TMT1B: variants seen among roughly 807,000 people sequenced by gnomAD.
The protein encoded by TMT1B is thiol methyltransferase 1B, also known as thiol S-methyltransferase TMT1B.
chr12:55,684,227 A>C, the TMT1B span: 2 of 610,956 alleles, frequency 3.3e-6, no homozygotes, highest in Non-Finnish European at 5.7e-6. Flanking sequence ...TCTAACTTCA[A>C]TCCCGCCTTC....
At chr12:55,682,112 G>A in the TMT1B span, 11 of 1,614,172 alleles carry the variant, frequency 6.8e-6, no homozygotes, top group East Asian at 2.5e-4. Context: ...CCTCCAATAT[G>A]AGCGGTTTGT....
At chr12:55,683,650 G>A in the TMT1B span, among the ~76,000 whole-genome samples, 38 of 152,134 alleles carry the variant, frequency 2.5e-4, no homozygotes, top group Non-Finnish European at 4.0e-4. Flanking sequence ...CTTTGAAGGC[G>A]GTAGCAGGGG....
At chr12:55,683,837 C>G in the TMT1B span, 2 of 1,613,924 alleles carry the variant, frequency 1.2e-6, no homozygotes, top group Non-Finnish European at 1.7e-6. Flanking sequence ...TTTCTGGGAG[C>G]ATGTGGCAGA....
the TMT1B span, chr12:55,681,992 G>T: frequency 3.2e-5 from 52 of 1,614,256 alleles, no homozygotes; most frequent in African/African-American, 5.3e-4. Context: ...GCTGGGCTGC[G>T]GAACCGGAGC....
the TMT1B span, chr12:55,683,838 A>T: frequency 6.2e-7 from 1 of 1,614,100 alleles, no homozygotes; most frequent in South Asian, 1.1e-5. Flanking sequence ...TTCTGGGAGC[A>T]TGTGGCAGAA....
chr12:55,682,147 A>G, the TMT1B span: 29 of 1,613,912 alleles, frequency 1.8e-5, no homozygotes, highest in Non-Finnish European at 2.5e-5. Context: ...AGGACATGAG[A>G]CAGCTGGCTG....
the TMT1B span, chr12:55,681,811 G>A: frequency 6.4e-7 from 1 of 1,555,316 alleles, no homozygotes; most frequent in Non-Finnish European, 8.7e-7. Flanking sequence ...CCCTGCCCCT[G>A]CACCTCATGG....
chr12:55,681,736 A>G, the TMT1B span: 4 of 1,509,856 alleles, frequency 2.6e-6, no homozygotes, highest in African/African-American at 5.6e-5. Context: ...GCGGAAGCAC[A>G]GCTCAGAGCT....
chr12:55,683,067 C>T, the TMT1B span, among the ~76,000 whole-genome samples: 128 of 152,222 alleles, frequency 8.4e-4, no homozygotes, highest in African/African-American at 2.9e-3. Flanking sequence ...TATAGTGAGG[C>T]GAGGAGCTTG....
the TMT1B span, among the ~76,000 whole-genome samples, chr12:55,683,657 G>T: frequency 9.2e-5 from 14 of 152,134 alleles, no homozygotes; most frequent in Admixed American, 7.9e-4. Flanking sequence ...GGCGGTAGCA[G>T]GGGATGCAGA....
At chr12:55,683,091 T>A in the TMT1B span, among the ~76,000 whole-genome samples, 1 of 152,186 alleles carries the variant, frequency 6.6e-6, no homozygotes, top group African/African-American at 2.4e-5. Context: ...AACCCCAGCT[T>A]CAGTCAAGAG....
At chr12:55,683,836 G>T in the TMT1B span, 1 of 1,614,082 alleles carries the variant, frequency 6.2e-7, no homozygotes, top group Non-Finnish European at 8.5e-7. Context: ...TTTTCTGGGA[G>T]CATGTGGCAG....
the TMT1B span, chr12:55,684,154 T>A: frequency 9.4e-7 from 1 of 1,066,148 alleles, no homozygotes; most frequent in Non-Finnish European, 1.4e-6. Context: ...CCTAGCAGAA[T>A]GAGAGAAGAC....
chr12:55,683,888 G>C, the TMT1B span: 1 of 1,614,002 alleles, frequency 6.2e-7, no homozygotes, highest in Non-Finnish European at 8.5e-7. Flanking sequence ...GCAAGTTTTC[G>C]AGCCCACCTG....
the TMT1B span, among the ~76,000 whole-genome samples, chr12:55,683,561 C>A: frequency 9.8e-5 from 15 of 152,302 alleles, no homozygotes; most frequent in East Asian, 2.9e-3. Flanking sequence ...TCCCCTTCTG[C>A]ATGCCCTCGG....
the TMT1B span, chr12:55,684,278 A>G: frequency 1.9e-6 from 1 of 521,204 alleles, no homozygotes. Flanking sequence ...CCCAGGGAGG[A>G]AACACTAGGA....
At chr12:55,684,348 G>A in the TMT1B span, 3 of 363,304 alleles carry the variant, frequency 8.3e-6, no homozygotes, top group Admixed American at 4.3e-5. Flanking sequence ...GCCTCCCAAT[G>A]TTGTCCCTTT....
the TMT1B span, chr12:55,681,958 C>T: frequency 6.2e-7 from 1 of 1,614,224 alleles, no homozygotes; most frequent in South Asian, 1.1e-5. Context: ...TTACAGGAGC[C>T]TCCGGGAAAG....
the TMT1B span, chr12:55,683,984 C>T: frequency 2.3e-3 from 3,778 of 1,614,010 alleles, 63 homozygotes; most frequent in African/African-American, 0.038. Context: ...CCAAATGGAA[C>T]GACAGCCCCC....
Sources: gnomAD v4.1 joint callset for allele counts (sites outside exome capture counted in the v4.1 genomes callset) on GRCh38, gnomAD v4.1.1 for gene constraint, MANE v1.5 for transcripts, NCBI Gene and HGNC (gene_info 2026-07-23, HGNC 2026-07-21) for gene names.